OXR1: variants seen among roughly 807,000 people sequenced by gnomAD.
OXR1 encodes oxidation resistance protein 1.
OXR1 carries 41 observed loss-of-function variants against 104.6 expected under a neutral mutation model. That is an observed-to-expected ratio of 0.39 (90% confidence interval 0.31 to 0.51). OXR1 has a LOEUF of 0.51. OXR1 is among the 20% of genes least tolerant of loss of function. The probability of loss-of-function intolerance (pLI) is 0.77; values close to 1 mark genes in which losing one functional copy is unlikely to be tolerated. For missense variants in OXR1, 955 were observed against 1,031.9 expected, an observed-to-expected ratio of 0.93 and a Z score of 1.02; for synonymous variants, 348 against 348.4, an observed-to-expected ratio of 1.00 and a Z score of 0.01.
Position 106,350,445 on chromosome 8 carries a change from G to T in OXR1, c.-138-9031G>T, listed in dbSNP as rs115130900. Among the ~76,000 whole-genome samples the T allele has an allele frequency of 3.1e-3, 472 of 152,298 alleles. 2 individuals are homozygous for T. Among genetic ancestry groups the T allele is most frequent in the African/African-American group, 0.011 (446 of 41,562 alleles). On this transcript the variant is annotated intron_variant, in intron 1 of 16. Transcript: ENST00000517566. ...ACATAAGGATATTTCTGAAGGGGGT[G>T]CTTAGGCTAATCACAAATATAGACA...
intron 2 of OXR1, among the ~76,000 whole-genome samples, chr8:106,510,699 T>C (rs903642662): frequency 6.6e-6 from 1 of 151,684 alleles, no homozygotes; most frequent in African/African-American, 2.4e-5. Flanking sequence ...GAGAATTTCT[T>C]GTTTTTTTGT....
intron 11 of OXR1, 70 bp downstream of exon 11, chr8:106,714,055 C>G: frequency 8.3e-7 from 1 of 1,198,064 alleles, no homozygotes; most frequent in East Asian, 2.7e-5. Flanking sequence ...TATGGTAGTA[C>G]AAAGTATAAG....
chr8:106,711,879 C>G (rs1365639000), intron 10 of OXR1, among the ~76,000 whole-genome samples: 1 of 152,112 alleles, frequency 6.6e-6, no homozygotes, highest in African/African-American at 2.4e-5. Flanking sequence ...CAGTAAGATA[C>G]TATCTCTACT....
chr8:106,400,044 AT>A (rs1343269625), intron 2 of OXR1, among the ~76,000 whole-genome samples: 1 of 151,788 alleles, frequency 6.6e-6, no homozygotes, highest in East Asian at 1.9e-4. Context: ...ACTTATTTTC[AT>A]TTTTTCACAG....
intron 2 of OXR1, among the ~76,000 whole-genome samples, chr8:106,384,623 T>A (rs1817292929): frequency 6.6e-6 from 1 of 152,200 alleles, no homozygotes; most frequent in African/African-American, 2.4e-5. Flanking sequence ...GTGCTCCTTT[T>A]ATTTTCTTTT....
chr8:106,684,248 TCTG>T lies in OXR1; in HGVS notation c.415_417del (p.Leu139del). ...TTTGTGTGAATGTTTTCTTACAGGT[TCTG>T]TATGTTCCTGATCCTGAATATGTCT... On this transcript the variant is annotated inframe_deletion, in exon 6 of 17. Transcript: ENST00000517566. 6.6e-7 allele frequency: 1 copy of T among 1,516,454 alleles called. No individual in the cohort carries two copies. Among genetic ancestry groups the T allele is most frequent in the Non-Finnish European group, 9.2e-7 (1 of 1,092,846 alleles). The allele number at this position is 1,516,454 out of a possible 1,614,324, so 93.9% of individuals were successfully genotyped here. A position where few individuals can be genotyped will look rare whatever the true frequency, so the allele number is the denominator to read the frequency against.
At chr8:106,350,332 TG>T (rs1815671709) in intron 1 of OXR1, among the ~76,000 whole-genome samples, 1 of 152,190 alleles carries the variant, frequency 6.6e-6, no homozygotes. Flanking sequence ...GGGTGATCTT[TG>T]TTTGAAGTAA....
intron 2 of OXR1, among the ~76,000 whole-genome samples, chr8:106,422,518 C>T (rs1467400773): frequency 1.7e-5 from 2 of 117,822 alleles, no homozygotes; most frequent in Non-Finnish European, 3.3e-5. Context: ...TTATTTAAAG[C>T]ACTATAAAAT....
intron 4 of OXR1, among the ~76,000 whole-genome samples, chr8:106,680,954 C>T (rs1828088202): frequency 6.6e-6 from 1 of 152,196 alleles, no homozygotes; most frequent in African/African-American, 2.4e-5. Flanking sequence ...ACTGCTACTG[C>T]TGTCACCACA....
chr8:106,426,830 A>G (rs1480633520), intron 2 of OXR1, among the ~76,000 whole-genome samples: 3 of 152,204 alleles, frequency 2.0e-5, no homozygotes, highest in Admixed American at 1.3e-4. Flanking sequence ...AATATTGGAT[A>G]CTATTATTAT....
chr8:106,536,587 T>C (rs894118299), intron 3 of OXR1, among the ~76,000 whole-genome samples: 1 of 152,242 alleles, frequency 6.6e-6, no homozygotes, highest in African/African-American at 2.4e-5. Context: ...AAATAGCATT[T>C]ACATAGCAAT....
chr8:106,451,224 A>G (rs926439604), intron 2 of OXR1, among the ~76,000 whole-genome samples: 3 of 152,184 alleles, frequency 2.0e-5, no homozygotes, highest in African/African-American at 4.8e-5. Flanking sequence ...TGAACATTCC[A>G]TTCTAGACTA....
At chr8:106,739,324 C>T in intron 12 of OXR1, 134 bp from the exon 13 acceptor site, 5 of 718,672 alleles carry the variant, frequency 7.0e-6, no homozygotes, top group East Asian at 2.6e-5. Flanking sequence ...CCATCTTTTG[C>T]CCTATAAAAT....
intron 2 of OXR1, among the ~76,000 whole-genome samples, chr8:106,468,524 A>T (rs1349737949): frequency 6.6e-6 from 1 of 151,824 alleles, no homozygotes; most frequent in Non-Finnish European, 1.5e-5. Flanking sequence ...GAAGGAGAAC[A>T]AGTATGTCAA....
intron 4 of OXR1, chr8:106,682,619 A>G (rs373434355): frequency 4.9e-4 from 76 of 154,094 alleles, no homozygotes; most frequent in African/African-American, 1.7e-3. Flanking sequence ...AAGTGGTTAT[A>G]TTATATTGGC....
intron 11 of OXR1, among the ~76,000 whole-genome samples, chr8:106,721,768 C>A (rs1359341185): frequency 6.6e-6 from 1 of 152,110 alleles, no homozygotes; most frequent in Admixed American, 6.5e-5. Flanking sequence ...AATTTATAGT[C>A]TTTCCATTTT....
chr8:106,468,471 A>G (rs1430826403), intron 2 of OXR1, among the ~76,000 whole-genome samples: 2 of 151,928 alleles, frequency 1.3e-5, no homozygotes, highest in Non-Finnish European at 2.9e-5. Context: ...CCAAAGGAAT[A>G]CATAGTCAAA....
At chr8:106,587,555 A>T (rs1818724089) in intron 3 of OXR1, among the ~76,000 whole-genome samples, 1 of 152,210 alleles carries the variant, frequency 6.6e-6, no homozygotes, top group South Asian at 2.1e-4. Flanking sequence ...TTTAAGGTGG[A>T]CTTTAAATAA....
chr8:106,694,012 T>C (rs554739907), intron 7 of OXR1, among the ~76,000 whole-genome samples: 1 of 152,262 alleles, frequency 6.6e-6, no homozygotes, highest in African/African-American at 2.4e-5. Flanking sequence ...TCATTTACTT[T>C]AAAATATTTT....
Sources: gnomAD v4.1 joint callset for allele counts (sites outside exome capture counted in the v4.1 genomes callset) on GRCh38, gnomAD v4.1.1 for gene constraint, MANE v1.5 for transcripts, NCBI Gene and HGNC (gene_info 2026-07-23, HGNC 2026-07-21) for gene names.